EPCIP: variants seen among roughly 807,000 people sequenced by gnomAD.
EPCIP encodes the protein exosomal polycystin-1-interacting protein.
the EPCIP span, among the ~76,000 whole-genome samples, chr21:32,799,571 T>G: frequency 6.6e-6 from 1 of 152,340 alleles, no homozygotes; most frequent in South Asian, 2.1e-4. Context: ...CCAGGGCATC[T>G]TCTCAGCTTC....
chr21:32,802,094 G>A, the EPCIP span, among the ~76,000 whole-genome samples: 1 of 152,150 alleles, frequency 6.6e-6, no homozygotes, highest in African/African-American at 2.4e-5. Flanking sequence ...ACAGGACCTT[G>A]CTGGTCAAGC....
the EPCIP span, chr21:32,794,412 G>T: frequency 3.1e-6 from 5 of 1,611,702 alleles, no homozygotes; most frequent in Non-Finnish European, 4.2e-6. Flanking sequence ...TGCCTGGAAG[G>T]TGGTGCCATG....
At chr21:32,809,239 TTTG>T in the EPCIP span, among the ~76,000 whole-genome samples, 1 of 149,458 alleles carries the variant, frequency 6.7e-6, no homozygotes, top group Non-Finnish European at 1.5e-5. Context: ...TCACTGGGCT[TTTG>T]TTGTTCTTTC....
At chr21:32,800,817 A>C in the EPCIP span, among the ~76,000 whole-genome samples, 5 of 66,916 alleles carry the variant, frequency 7.5e-5, no homozygotes, top group South Asian at 4.7e-4. Flanking sequence ...AAAACAAAAA[A>C]AAAACCAAAA....
the EPCIP span, among the ~76,000 whole-genome samples, chr21:32,809,182 C>CGTGCGTGT: frequency 8.3e-5 from 10 of 121,144 alleles, no homozygotes; most frequent in East Asian, 2.2e-3. Flanking sequence ...TCGAGGGGTG[C>CGTGCGTGT]GTGTGTGTGT....
the EPCIP span, chr21:32,813,515 A>G: frequency 4.4e-6 from 2 of 456,764 alleles, no homozygotes; most frequent in South Asian, 1.6e-5. Flanking sequence ...CCTGCCATGC[A>G]GCAGAAATTC....
At chr21:32,810,070 A>G in the EPCIP span, among the ~76,000 whole-genome samples, 19 of 151,830 alleles carry the variant, frequency 1.3e-4, no homozygotes, top group Non-Finnish European at 2.6e-4. Flanking sequence ...CCCATACCAA[A>G]TCCAGTGATT....
chr21:32,794,564 C>G, the EPCIP span: 5 of 774,914 alleles, frequency 6.5e-6, no homozygotes, highest in Non-Finnish European at 1.0e-5. Context: ...CAGAAAAAAA[C>G]AAGTTGTAAA....
the EPCIP span, chr21:32,790,799 C>G: frequency 1.7e-4 from 26 of 152,220 alleles, 1 homozygote; most frequent in African/African-American, 6.0e-4. Context: ...CACCACTGGC[C>G]AGAGGCAATA....
the EPCIP span, chr21:32,793,479 T>G: frequency 1.9e-6 from 1 of 521,532 alleles, no homozygotes; most frequent in Non-Finnish European, 3.4e-6. Flanking sequence ...GGCTTCTAGT[T>G]GCAGAGACCA....
the EPCIP span, among the ~76,000 whole-genome samples, chr21:32,801,907 G>A: frequency 5.3e-5 from 8 of 152,144 alleles, no homozygotes; most frequent in Admixed American, 4.6e-4. Context: ...ACTCTCAAAG[G>A]ATGTGCTCTT....
chr21:32,793,672 G>C, the EPCIP span: 2 of 1,172,762 alleles, frequency 1.7e-6, no homozygotes, highest in Non-Finnish European at 2.6e-6. Context: ...TGTGGGTAGG[G>C]ATACCTATCT....
chr21:32,804,924 G>A, the EPCIP span, among the ~76,000 whole-genome samples: 1 of 152,208 alleles, frequency 6.6e-6, no homozygotes, highest in African/African-American at 2.4e-5. Context: ...ATCTCCAACT[G>A]TGCCTAATGG....
At chr21:32,809,279 CCTTTCTTTCTTTCTTT>C in the EPCIP span, among the ~76,000 whole-genome samples, 580 of 80,052 alleles carry the variant, frequency 7.2e-3, 5 homozygotes, top group Admixed American at 0.02. Context: ...CTCCCTCCTT[CCTTTCTTTCTTTCTTT>C]CTTTCTTTCT....
the EPCIP span, among the ~76,000 whole-genome samples, chr21:32,811,792 G>A: frequency 1.8e-4 from 28 of 152,346 alleles, no homozygotes; most frequent in East Asian, 1.2e-3. Flanking sequence ...TTAAGAGGGC[G>A]GTGCCCTCAT....
At chr21:32,809,276 C>CCTCCCTCTCT in the EPCIP span, among the ~76,000 whole-genome samples, 11 of 97,956 alleles carry the variant, frequency 1.1e-4, 1 homozygote, top group East Asian at 3.8e-3. Context: ...TCCCTCCCTC[C>CCTCCCTCTCT]TTCCTTTCTT....
At chr21:32,796,121 A>G in the EPCIP span, among the ~76,000 whole-genome samples, 1 of 151,974 alleles carries the variant, frequency 6.6e-6, no homozygotes, top group Non-Finnish European at 1.5e-5. Flanking sequence ...CCATGGGGGT[A>G]CAACTCAGAA....
chr21:32,804,370 T>G, the EPCIP span, among the ~76,000 whole-genome samples: 2 of 151,536 alleles, frequency 1.3e-5, no homozygotes, highest in East Asian at 3.9e-4. Flanking sequence ...GGTCTTAAAC[T>G]CCCAGGCTCA....
the EPCIP span, chr21:32,796,969 G>A: frequency 4.5e-4 from 211 of 469,516 alleles, 2 homozygotes; most frequent in African/African-American, 3.9e-3. Flanking sequence ...AGCCGTGGAA[G>A]AGGAAAAGAG....
Sources: gnomAD v4.1 joint callset for allele counts (sites outside exome capture counted in the v4.1 genomes callset) on GRCh38, gnomAD v4.1.1 for gene constraint, MANE v1.5 for transcripts, NCBI Gene and HGNC (gene_info 2026-07-23, HGNC 2026-07-21) for gene names.